Variants in CDYL2 observed in about 807,000 individuals in gnomAD.
CDYL2 encodes chromodomain Y like 2, also known as chromodomain Y-like protein 2.
CDYL2 carries 23 observed loss-of-function variants against 49.4 expected under a neutral mutation model. The observed-to-expected ratio is 0.47, with a 90% CI of 0.34 to 0.66. The LOEUF (loss-of-function observed/expected upper bound fraction) is 0.66, where lower values mean the gene tolerates loss of function less well. Among genes scored for constraint, CDYL2 ranks in the 30% least tolerant of loss-of-function variants. The pLI, the probability that CDYL2 is intolerant of heterozygous loss-of-function variation, is 0.01. For synonymous variants in CDYL2, 360 were observed against 268.8 expected, an observed-to-expected ratio of 1.34 and a Z score of -3.32; for missense variants, 678 against 656.4, an observed-to-expected ratio of 1.03 and a Z score of -0.36.
chr16:80,692,758 TGAA>T (rs1910466876), intron 1 of CDYL2, among the ~76,000 whole-genome samples: 1 of 152,180 alleles, frequency 6.6e-6, no homozygotes, highest in African/African-American at 2.4e-5. Context: ...TGGTCAAACA[TGAA>T]GAAGAGTGAA....
chr16:80,798,264 A>C (rs2142423160), intron 1 of CDYL2, among the ~76,000 whole-genome samples: 1 of 152,302 alleles, frequency 6.6e-6, no homozygotes, highest in South Asian at 2.1e-4. Flanking sequence ...GCTGGTCTAG[A>C]ATTCCTGGGC....
At chr16:80,613,483 T>C (rs1319403094) in intron 4 of CDYL2, among the ~76,000 whole-genome samples, 1 of 152,184 alleles carries the variant, frequency 6.6e-6, no homozygotes, top group African/African-American at 2.4e-5. Context: ...CCTGCAGGGA[T>C]GCCAGACTCA....
chr16:80,632,650 T>C (rs112219227), intron 3 of CDYL2: 2 of 257,006 alleles, frequency 7.8e-6, no homozygotes, highest in African/African-American at 4.3e-5. Flanking sequence ...ATTAACTGAG[T>C]GAATTATATC....
At chr16:80,616,325 A>G (rs910910031) in intron 4 of CDYL2, among the ~76,000 whole-genome samples, 1 of 152,198 alleles carries the variant, frequency 6.6e-6, no homozygotes, top group Admixed American at 6.5e-5. Context: ...CAGTGCTGAC[A>G]TGCAGGGAGC....
At chr16:80,669,892 C>T (rs532634156) in intron 2 of CDYL2, among the ~76,000 whole-genome samples, 8 of 152,298 alleles carry the variant, frequency 5.3e-5, no homozygotes, top group East Asian at 3.9e-4. Context: ...GACTGCAGAG[C>T]GGCCACGACC....
At position 80,620,887 on chromosome 16, in the gene CDYL2, TGTC is replaced by T; in HGVS notation, c.880_882del (p.Asp294del). 2 of 1,611,508 alleles carry T rather than the reference TGTC, an allele frequency of 1.2e-6. No individual in the cohort carries two copies. Among genetic ancestry groups the T allele is most frequent in the Non-Finnish European group, 1.7e-6 (2 of 1,178,092 alleles). ...ACTGCGCTGAGGAGCAGCAGTTTGCTGTCGTCTGTGGCTGCGTTGCAGAGCGCT... is the reference window on the plus strand; with the variant it reads ...ACTGCGCTGAGGAGCAGCAGTTTGCTGTCTGTGGCTGCGTTGCAGAGCGCT... On this transcript the variant is annotated inframe_deletion, in exon 4 of 7. Coordinates refer to ENST00000570137, the MANE Select transcript of CDYL2 (RefSeq NM_152342.4).
chr16:80,598,690 C>T lies in CDYL2; in HGVS notation c.*5698G>A, dbSNP rs1055175645. 6.6e-6 allele frequency: 1 copy of T among 152,110 alleles called. No individual in the cohort carries two copies. The highest frequency in any genetic ancestry group is 1.5e-5 in the Non-Finnish European group (1 of 68,032). 9.4% of individuals were successfully genotyped at this position (152,110 alleles called of 1,614,324 possible). ...TGATATGGATACAGGCTTGGGACTA[C>T]ACAGTAGAAACACCAACCTGAGATA... is the stretch of plus-strand genomic sequence containing the variant. On this transcript the variant is annotated 3_prime_UTR_variant, in exon 7 of 7. Coordinates refer to ENST00000570137, the MANE Select transcript of CDYL2 (RefSeq NM_152342.4).
chr16:80,787,878 A>C (rs1393992589), intron 1 of CDYL2, among the ~76,000 whole-genome samples: 1 of 152,174 alleles, frequency 6.6e-6, no homozygotes, highest in Non-Finnish European at 1.5e-5. Context: ...TTTTAATGCC[A>C]AGCATGCAGA....
At chr16:80,717,264 T>G (rs1904843683) in intron 1 of CDYL2, among the ~76,000 whole-genome samples, 1 of 152,172 alleles carries the variant, frequency 6.6e-6, no homozygotes, top group Admixed American at 6.5e-5. Flanking sequence ...CAGCTTCACC[T>G]TCAGGAGCTA....
chr16:80,627,050 G>C (rs1907337260), intron 3 of CDYL2, among the ~76,000 whole-genome samples: 1 of 151,952 alleles, frequency 6.6e-6, no homozygotes, highest in South Asian at 2.1e-4. Flanking sequence ...TTTTTTAATG[G>C]ATAGGATTTT....
chr16:80,673,235 G>A (rs928470657), intron 2 of CDYL2, among the ~76,000 whole-genome samples: 2 of 152,086 alleles, frequency 1.3e-5, no homozygotes, highest in South Asian at 2.1e-4. Flanking sequence ...CAGGAGAATC[G>A]TTTGGACCCG....
chr16:80,635,301 T>C lies in CDYL2; in HGVS notation c.617-2065A>G, dbSNP rs556803955. Among the ~76,000 whole-genome samples the C allele has an allele frequency of 9.2e-5, 14 of 152,318 alleles. No homozygotes were observed. The East Asian group carries it at 2.3e-3, about 25-fold the overall frequency. On this transcript the variant is annotated intron_variant, in intron 2 of 6. Coordinates refer to ENST00000570137, the MANE Select transcript of CDYL2 (RefSeq NM_152342.4). ...TGTCTCTGTTTGCAGATGATGTGAC[T>C]GTATATTTAGAAAACCCCATCATCT...
chr16:80,685,271 G>GTGTTGGCTTCTGGC, intron 1 of CDYL2, 142 bp from the exon 2 acceptor site: 1 of 646,838 alleles, frequency 1.5e-6, no homozygotes, highest in Non-Finnish European at 2.7e-6. Flanking sequence ...TTCAATGCCA[G>GTGTTGGCTTCTGGC]AAGCCAACAC....
At chr16:80,782,530 G>GAAAAAAAAAAAA (rs1188248662) in intron 1 of CDYL2, among the ~76,000 whole-genome samples, 2 of 35,788 alleles carry the variant, frequency 5.6e-5, no homozygotes, top group African/African-American at 9.2e-5. Context: ...GACATAAGGA[G>GAAAAAAAAAAAA]AAAAAAAAAA....
rs147235430 is a variant in CDYL2, at chr16:80,665,157, T to C, written c.616+19381A>G. On this transcript the variant is annotated intron_variant, in intron 2 of 6. Coordinates refer to ENST00000570137, the MANE Select transcript of CDYL2 (RefSeq NM_152342.4). ...CTTGAAATAGATGTTACATATTTTC[T>C]ACAAATCTTCTTAATTAAAATATAG... is the stretch of plus-strand genomic sequence containing the variant. Among the ~76,000 whole-genome samples, 581 of 152,288 alleles carry C rather than the reference T, an allele frequency of 3.8e-3. 3 individuals are homozygous for C. Among genetic ancestry groups the C allele is most frequent in the African/African-American group, 0.013 (550 of 41,558 alleles).
At chr16:80,610,023 G>A (rs1414307107) in intron 5 of CDYL2, among the ~76,000 whole-genome samples, 2 of 152,156 alleles carry the variant, frequency 1.3e-5, no homozygotes, top group African/African-American at 2.4e-5. Flanking sequence ...AAGGTTAACT[G>A]AGAGGTGCTT....
chr16:80,772,352 G>C (rs985231464), intron 1 of CDYL2, among the ~76,000 whole-genome samples: 2 of 152,136 alleles, frequency 1.3e-5, no homozygotes, highest in African/African-American at 2.4e-5. Context: ...AAAATATACA[G>C]AAATAAAACA....
intron 2 of CDYL2, among the ~76,000 whole-genome samples, chr16:80,671,799 G>A (rs1909520672): frequency 6.6e-6 from 1 of 152,114 alleles, no homozygotes; most frequent in African/African-American, 2.4e-5. Flanking sequence ...ATTCTTTTTT[G>A]GATGGAGTTA....
intron 2 of CDYL2, among the ~76,000 whole-genome samples, chr16:80,668,459 T>C (rs1909362262): frequency 1.3e-5 from 2 of 148,172 alleles, no homozygotes; most frequent in South Asian, 2.1e-4. Context: ...TGTAATATAA[T>C]CACATATATA....
Sources: allele counts gnomAD v4.1 joint callset (sites outside exome capture counted in the v4.1 genomes callset), GRCh38; gene constraint gnomAD v4.1.1; transcripts MANE v1.5; gene names NCBI Gene and HGNC (gene_info 2026-07-23, HGNC 2026-07-21).